Variants in MYO10 observed in about 807,000 individuals in gnomAD.
The protein encoded by MYO10 is unconventional myosin-X.
A neutral mutation model predicts 257.3 loss-of-function variants in MYO10; 133 were observed. The ratio of observed to expected loss-of-function variants is 0.52; its 90% confidence interval spans 0.45 to 0.60. The LOEUF (loss-of-function observed/expected upper bound fraction) is 0.60. Ranked by LOEUF, MYO10 falls within the 20% of genes least tolerant of loss-of-function variation. The pLI is 0.00. For missense variants in MYO10, 2,399 were observed against 2,635.7 expected (o/e 0.91, Z 1.97); for synonymous variants, 1,104 against 1,028.6 (o/e 1.07, Z -1.40).
rs1193964006 is a variant in MYO10 at position 16,889,501 on chromosome 5, AG to A, written c.22-11795del. Among the ~76,000 whole-genome samples, 74 of 56,074 alleles carry A rather than the reference AG, an allele frequency of 1.3e-3. 2 individuals are homozygous for A. In the South Asian group the frequency reaches 0.026, roughly 20 times the overall value. The allele number at this position is 56,074 out of a possible 152,430, so 36.8% of individuals were successfully genotyped here. ...AAAGAAGGAAGGAAGGAAGGAAGGA[AG>A]GAAGGAAGGAAGGAAGGAAGGAAGG... On this transcript the variant is annotated intron_variant, in intron 1 of 40. Coordinates refer to ENST00000513610, the MANE Select transcript of MYO10 (RefSeq NM_012334.3).
At position 16,935,940 on chromosome 5, in the gene MYO10, G is replaced by T. The variant is rs1746430337; in HGVS notation, c.-132C>A. 5 of 1,085,930 alleles carry T rather than the reference G, an allele frequency of 4.6e-6. No individual in the cohort carries two copies. Among genetic ancestry groups the T allele is most frequent in the South Asian group, 1.4e-5 (1 of 69,622 alleles). 67.3% of individuals were successfully genotyped at this position (1,085,930 alleles called of 1,614,324 possible). ...CGCGCGCCCGCGGGGCTCCCCTGCT[G>T]CCATCGCCCGGTCCCTTCTTGTCCT... On this transcript the variant is annotated 5_prime_UTR_variant, in exon 1 of 41. Transcript: ENST00000513610.
At position 16,685,715 on chromosome 5, in the gene MYO10, C is replaced by G. The variant is rs747623709; in HGVS notation, c.3990+23G>C. 105 of 1,551,814 alleles carry G rather than the reference C, an allele frequency of 6.8e-5. No homozygotes were observed. The South Asian group carries it at 1.2e-3, about 17-fold the overall frequency. On this transcript the variant is annotated intron_variant, in intron 29 of 40. Coordinates refer to ENST00000513610, the MANE Select transcript of MYO10 (RefSeq NM_012334.3). ...TCCCTGCCCCTAGACGCCCCACCCC[C>G]ATCCCACACAGTGCTCCCGTACCAC...
intron 3 of MYO10, among the ~76,000 whole-genome samples, chr5:16,800,210 T>A (rs1742082003): frequency 6.6e-6 from 1 of 152,130 alleles, no homozygotes; most frequent in Non-Finnish European, 1.5e-5. Flanking sequence ...TCAGTCAGCC[T>A]AGTGAGTTAC....
chr5:16,802,285 G>A (rs1007647619), intron 3 of MYO10, among the ~76,000 whole-genome samples: 1 of 152,044 alleles, frequency 6.6e-6, no homozygotes. Flanking sequence ...TAACGCTATC[G>A]AACTGTGCAT....
At chr5:16,711,095 G>A (rs767069129) in intron 20 of MYO10, 26 bp downstream of exon 20, 50 of 1,613,196 alleles carry the variant, frequency 3.1e-5, no homozygotes, top group Non-Finnish European at 4.1e-5. Context: ...TGAAAAGAAA[G>A]AGAATCCAAT....
chr5:16,842,946 C>T (rs928097192), intron 2 of MYO10, among the ~76,000 whole-genome samples: 1 of 148,016 alleles, frequency 6.8e-6, no homozygotes, highest in Middle Eastern at 3.3e-3. Context: ...AAAAAAGGAA[C>T]TTTGAAATAC....
intron 2 of MYO10, among the ~76,000 whole-genome samples, chr5:16,825,395 C>A (rs1742972493): frequency 6.6e-6 from 1 of 152,226 alleles, no homozygotes; most frequent in African/African-American, 2.4e-5. Context: ...CAGGATCTTT[C>A]ACACTCTTCT....
At chr5:16,856,911 T>C (rs1309155518) in intron 2 of MYO10, among the ~76,000 whole-genome samples, 1 of 152,206 alleles carries the variant, frequency 6.6e-6, no homozygotes, top group Non-Finnish European at 1.5e-5. Context: ...ATTAGAAATC[T>C]ATGGAAACTT....
intron 1 of MYO10, among the ~76,000 whole-genome samples, chr5:16,931,294 T>C (rs569594396): frequency 6.6e-6 from 1 of 151,952 alleles, no homozygotes; most frequent in East Asian, 1.9e-4. Flanking sequence ...ATAATAATAG[T>C]AATAATAATA....
At chr5:16,692,616 T>C (rs561128728) in intron 27 of MYO10, among the ~76,000 whole-genome samples, 7 of 151,754 alleles carry the variant, frequency 4.6e-5, no homozygotes, top group Non-Finnish European at 8.8e-5. Context: ...TAAAAGGAGG[T>C]GGTTTGCTGG....
intron 28 of MYO10, among the ~76,000 whole-genome samples, chr5:16,688,612 T>C (rs1219725018): frequency 1.3e-5 from 2 of 151,886 alleles, no homozygotes; most frequent in African/African-American, 4.8e-5. Context: ...TGGTGGTGCA[T>C]GCCTGTAATC....
chr5:16,669,225 T>C (rs899473988), intron 39 of MYO10, among the ~76,000 whole-genome samples: 1 of 150,860 alleles, frequency 6.6e-6, no homozygotes, highest in African/African-American at 2.4e-5. Context: ...CTTTTTTCTT[T>C]TTTTTTTTGA....
At chr5:16,858,435 CTTTTG>C (rs1744023492) in intron 2 of MYO10, among the ~76,000 whole-genome samples, 1 of 110,934 alleles carries the variant, frequency 9.0e-6, no homozygotes. Flanking sequence ...CTAGATGCTA[CTTTTG>C]TAAAAAAAAA....
At chr5:16,671,083 T>C in intron 38 of MYO10, 105 bp from the exon 39 acceptor site, 1 of 1,066,740 alleles carries the variant, frequency 9.4e-7, no homozygotes, top group Non-Finnish European at 1.3e-6. Flanking sequence ...CAAACTCACC[T>C]TCCCTGACTG....
chr5:16,809,246 T>C (rs1038555903), intron 3 of MYO10, among the ~76,000 whole-genome samples: 3 of 151,710 alleles, frequency 2.0e-5, no homozygotes, highest in Admixed American at 6.6e-5. Flanking sequence ...TGCACTGCGT[T>C]CATCTGTCCC....
chr5:16,686,391 A>AT (rs1737253894), intron 28 of MYO10, among the ~76,000 whole-genome samples: 7 of 152,172 alleles, frequency 4.6e-5, no homozygotes, highest in Admixed American at 4.6e-4. Context: ...AACATTTCAA[A>AT]TTTTCAGATT....
intron 19 of MYO10, 89 bp from the exon 20 acceptor site, chr5:16,711,334 T>C: frequency 1.5e-6 from 2 of 1,346,336 alleles, no homozygotes; most frequent in Non-Finnish European, 2.1e-6. Flanking sequence ...CCATCATTGG[T>C]TTACCCCGCT....
rs567780239 is a variant in MYO10 at position 16,713,221 on chromosome 5, C to A, written c.1930-1976G>T. On this transcript the variant is annotated intron_variant, in intron 19 of 40. Transcript: ENST00000513610. The stretch of plus-strand genomic sequence containing the variant: ...TCCTGATCCCCTCTTTTCTCCCAGT[C>A]TCTATAGAACAAAGTCTGTACAATT... 8.7e-5 allele frequency: 66 copies of A among 760,474 alleles called. 2 individuals are homozygous for A. In the South Asian group the frequency reaches 3.3e-3, roughly 38 times the overall value. 47.1% of individuals were successfully genotyped at this position (760,474 alleles called of 1,614,324 possible).
chr5:16,760,455 T>C (rs1224394061), intron 17 of MYO10, among the ~76,000 whole-genome samples: 4 of 148,960 alleles, frequency 2.7e-5, no homozygotes, highest in Non-Finnish European at 5.9e-5. Context: ...AACGAGACCC[T>C]GTCTCCAAAA....
Sources: gnomAD v4.1 joint callset for allele counts (sites outside exome capture counted in the v4.1 genomes callset) on GRCh38, gnomAD v4.1.1 for gene constraint, MANE v1.5 for transcripts, NCBI Gene and HGNC (gene_info 2026-07-23, HGNC 2026-07-21) for gene names.